BAIAP2: variants seen among roughly 807,000 people sequenced by gnomAD.
BAIAP2 encodes BAR/IMD domain-containing adapter protein 2.
BAIAP2 carries 18 observed loss-of-function variants against 63.0 expected under a neutral mutation model. That is an observed-to-expected ratio of 0.29 (90% CI 0.20 to 0.42). The LOEUF is 0.42. BAIAP2 is among the 10% of genes least tolerant of loss of function. The pLI, the probability that BAIAP2 is intolerant of heterozygous loss-of-function variation, is 1.00. For missense variants in BAIAP2, 610 were observed against 734.3 expected, an observed-to-expected ratio of 0.83 and a Z score of 1.96; for synonymous variants, 386 against 307.6, an observed-to-expected ratio of 1.25 and a Z score of -2.67.
intron 3 of BAIAP2, among the ~76,000 whole-genome samples, chr17:81,065,233 A>C (rs1024844887): frequency 6.6e-6 from 1 of 152,208 alleles, no homozygotes; most frequent in African/African-American, 2.4e-5. Flanking sequence ...CCTGTGGCCC[A>C]GGAGCAAGCC....
At chr17:81,036,655 C>G (rs760426266) in intron 1 of BAIAP2, among the ~76,000 whole-genome samples, 1 of 152,200 alleles carries the variant, frequency 6.6e-6, no homozygotes, top group Non-Finnish European at 1.5e-5. Flanking sequence ...CCTAAAGCCA[C>G]GTCGGAGCCA....
At chr17:81,069,057 TAGA>T (rs1309564935) in intron 3 of BAIAP2, among the ~76,000 whole-genome samples, 1 of 152,170 alleles carries the variant, frequency 6.6e-6, no homozygotes, top group East Asian at 1.9e-4. Context: ...GGGCTGGGCT[TAGA>T]AGGATGCGCT....
intron 6 of BAIAP2, among the ~76,000 whole-genome samples, chr17:81,099,289 G>A (rs1446212227): frequency 6.6e-6 from 1 of 152,216 alleles, no homozygotes; most frequent in East Asian, 1.9e-4. Context: ...AGGTGTCTTA[G>A]CGTCCCGCTC....
At position 81,106,886 on chromosome 17, in the gene BAIAP2, G is replaced by C. The variant is rs2059244684; in HGVS notation, c.1479G>C (p.Val493=). ...ASGFKQRPYS[V]AVPAFSQGLD... ...GCTTCAAGCAGAGGCCCTACAGTGT[G>C]GCCGTGCCCGCCTTCTCCCAGGTCA... Residue 493 remains valine, a synonymous_variant, in exon 12 of 14, where the codon GTG becomes GTC. Transcript: ENST00000428708. The C allele has an allele frequency of 6.3e-7, 1 of 1,575,592 alleles. No individual in the cohort carries two copies. The highest frequency in any genetic ancestry group is 8.6e-7 in the Non-Finnish European group (1 of 1,160,998).
At chr17:81,073,936 G>A (rs2053164820) in intron 3 of BAIAP2, among the ~76,000 whole-genome samples, 2 of 152,202 alleles carry the variant, frequency 1.3e-5, no homozygotes, top group South Asian at 4.1e-4. Context: ...TGTCTCAAGT[G>A]CTTATGGAGC....
Position 81,035,220 on chromosome 17 carries a change from CG to C in BAIAP2, c.-34del, listed in dbSNP as rs2046039861. 6.8e-7 allele frequency: 1 copy of C among 1,467,446 alleles called. No individual in the cohort carries two copies. The highest frequency in any genetic ancestry group is 9.1e-7 in the Non-Finnish European group (1 of 1,100,484). 90.9% of individuals were successfully genotyped at this position (1,467,446 alleles called of 1,614,324 possible). ...CGCTGCTGCCGCCGCTTGCGTCCCC[CG>C]CTCCGGTCTGTGGTGCAGCCGGGAC... is the stretch of plus-strand genomic sequence containing the variant. On this transcript the variant is annotated 5_prime_UTR_variant, in exon 1 of 14. Transcript: ENST00000428708.
At chr17:81,062,688 CTTTT>C (rs36092037) in intron 3 of BAIAP2, among the ~76,000 whole-genome samples, 6 of 133,470 alleles carry the variant, frequency 4.5e-5, no homozygotes, top group Admixed American at 7.5e-5. Context: ...TTTTTCTTTC[CTTTT>C]TTTTTTTTTT....
At chr17:81,094,443 C>T (rs987803931) in intron 6 of BAIAP2, among the ~76,000 whole-genome samples, 7 of 152,198 alleles carry the variant, frequency 4.6e-5, no homozygotes, top group Non-Finnish European at 1.0e-4. Context: ...GCTCATGGAT[C>T]CCTGATCCTG....
At chr17:81,081,475 C>T (rs2054592897) in intron 3 of BAIAP2, among the ~76,000 whole-genome samples, 1 of 152,176 alleles carries the variant, frequency 6.6e-6, no homozygotes, top group Non-Finnish European at 1.5e-5. Context: ...GGGCCTGTGC[C>T]AGCCCTAGCT....
At chr17:81,088,398 A>C (rs529726010) in intron 6 of BAIAP2, among the ~76,000 whole-genome samples, 1 of 152,288 alleles carries the variant, frequency 6.6e-6, no homozygotes, top group Non-Finnish European at 1.5e-5. Flanking sequence ...TTGAGATATA[A>C]TTCACATCAC....
At position 81,035,195 on chromosome 17, in the gene BAIAP2, C is replaced by A; in HGVS notation, c.-60C>A. The A allele has an allele frequency of 7.3e-7, 1 of 1,378,306 alleles. No homozygotes were observed. Among genetic ancestry groups the A allele is most frequent in the Non-Finnish European group, 9.7e-7 (1 of 1,033,466 alleles). The allele number at this position is 1,378,306 out of a possible 1,614,324, so 85.4% of individuals were successfully genotyped here. A position where few individuals can be genotyped will look rare whatever the true frequency, so the allele number is the denominator to read the frequency against. ...GTCTCCGTCCTGCTGCCGTTACCGCCGCTGCTGCCGCCGCTTGCGTCCCCC... is the reference window on the plus strand; with the variant it reads ...GTCTCCGTCCTGCTGCCGTTACCGCAGCTGCTGCCGCCGCTTGCGTCCCCC... On this transcript the variant is annotated 5_prime_UTR_variant, in exon 1 of 14. Coordinates refer to ENST00000428708, the MANE Select transcript of BAIAP2 (RefSeq NM_001144888.2).
intron 13 of BAIAP2, chr17:81,111,087 C>A: frequency 1.8e-6 from 2 of 1,131,290 alleles, no homozygotes; most frequent in Non-Finnish European, 2.6e-6. Context: ...GTCCACTGAG[C>A]CTGCCTCTCA....
chr17:81,108,048 C>T (rs2059391997), intron 12 of BAIAP2: 1 of 202,812 alleles, frequency 4.9e-6, no homozygotes, highest in Non-Finnish European at 1.0e-5. Context: ...TTCCAGGAAA[C>T]TGCAGCTGGG....
intron 6 of BAIAP2, among the ~76,000 whole-genome samples, chr17:81,097,115 C>T (rs2057757579): frequency 6.6e-6 from 1 of 152,228 alleles, no homozygotes; most frequent in Admixed American, 6.5e-5. Flanking sequence ...TTCCTAAATG[C>T]CATCTCAGGT....
At chr17:81,064,865 G>A (rs528583018) in intron 3 of BAIAP2, among the ~76,000 whole-genome samples, 2 of 152,348 alleles carry the variant, frequency 1.3e-5, no homozygotes, top group South Asian at 4.1e-4. Context: ...GCTTTGCTTT[G>A]ATATGGCAAG....
At chr17:81,036,704 T>TG (rs2046318131) in intron 1 of BAIAP2, among the ~76,000 whole-genome samples, 1 of 152,228 alleles carries the variant, frequency 6.6e-6, no homozygotes, top group African/African-American at 2.4e-5. Flanking sequence ...GGAGTCGGCT[T>TG]GGGAAAGGCA....
At chr17:81,093,162 G>A (rs903125025) in intron 6 of BAIAP2, among the ~76,000 whole-genome samples, 3 of 152,066 alleles carry the variant, frequency 2.0e-5, no homozygotes, top group African/African-American at 7.2e-5. Context: ...TGAGGAGGGA[G>A]CCCCGGCCCG....
rs535963785 is a variant in BAIAP2, at chr17:81,062,202, C to T, written c.217+4235C>T. Among the ~76,000 whole-genome samples, 318 of 152,246 alleles carry T rather than the reference C, an allele frequency of 2.1e-3. 4 individuals carry two copies. The highest frequency in any genetic ancestry group is 5.3e-3 in the African/African-American group (219 of 41,542). On this transcript the variant is annotated intron_variant, in intron 3 of 13. Transcript: ENST00000428708. ...CTGCTCTCAAGTGATCTGCCTGCCT[C>T]GGCCTCCCAGAGTGCTGAGATTACA...
chr17:81,052,832 C>T (rs773484864), intron 1 of BAIAP2, among the ~76,000 whole-genome samples: 144 of 152,242 alleles, frequency 9.5e-4, no homozygotes, highest in African/African-American at 2.9e-3. Flanking sequence ...CAGGGCTGGG[C>T]GGCTTCCCTT....
Sources: allele counts gnomAD v4.1 joint callset (sites outside exome capture counted in the v4.1 genomes callset), GRCh38; gene constraint gnomAD v4.1.1; transcripts MANE v1.5; gene names NCBI Gene and HGNC (gene_info 2026-07-23, HGNC 2026-07-21).